Variants in KCNIP4 observed in about 807,000 individuals in gnomAD.
KCNIP4 encodes Kv channel-interacting protein 4.
Under a neutral mutation model 34.0 loss-of-function variants are expected in KCNIP4, and 12 were observed. The observed-to-expected ratio is 0.35, with a 90% CI of 0.23 to 0.57. KCNIP4 has a LOEUF of 0.57. Ranked by LOEUF, KCNIP4 falls within the 20% of genes least tolerant of loss-of-function variation. The pLI is 0.83. For synonymous variants in KCNIP4, 124 were observed against 102.2 expected, an observed-to-expected ratio of 1.21 and a Z score of -1.29; for missense variants, 238 against 311.7, an observed-to-expected ratio of 0.76 and a Z score of 1.78.
At chr4:21,785,726 C>T (rs1046487177) in intron 1 of KCNIP4, among the ~76,000 whole-genome samples, 1 of 152,202 alleles carries the variant, frequency 6.6e-6, no homozygotes, top group African/African-American at 2.4e-5. Context: ...TTGAATCATA[C>T]AAAATGTCAC....
intron 1 of KCNIP4, among the ~76,000 whole-genome samples, chr4:21,047,910 A>G (rs1436239590): frequency 6.6e-6 from 1 of 152,186 alleles, no homozygotes; most frequent in Non-Finnish European, 1.5e-5. Flanking sequence ...AGTTTCTGCC[A>G]ATATCATGTA....
chr4:21,527,440 G>A (rs1217487349), intron 1 of KCNIP4, among the ~76,000 whole-genome samples: 2 of 152,114 alleles, frequency 1.3e-5, no homozygotes, highest in South Asian at 2.1e-4. Flanking sequence ...AATGGAAGGG[G>A]CATGGACTTG....
At chr4:20,814,652 C>T (rs1477884834) in intron 3 of KCNIP4, among the ~76,000 whole-genome samples, 1 of 152,136 alleles carries the variant, frequency 6.6e-6, no homozygotes, top group African/African-American at 2.4e-5. Flanking sequence ...ATGGCCATCA[C>T]AGGTGGGACC....
At chr4:21,233,787 C>G (rs1026030784) in intron 1 of KCNIP4, among the ~76,000 whole-genome samples, 1 of 144,986 alleles carries the variant, frequency 6.9e-6, no homozygotes, top group Non-Finnish European at 1.5e-5. Context: ...TACATTAAAA[C>G]ATTATTATAT....
chr4:21,066,495 C>T (rs1744396124), intron 1 of KCNIP4, among the ~76,000 whole-genome samples: 1 of 152,148 alleles, frequency 6.6e-6, no homozygotes, highest in South Asian at 2.1e-4. Flanking sequence ...CTTTAATCAC[C>T]TATACCATCC....
chr4:21,428,863 A>G (rs1408835183), intron 1 of KCNIP4, among the ~76,000 whole-genome samples: 1 of 152,210 alleles, frequency 6.6e-6, no homozygotes, highest in Non-Finnish European at 1.5e-5. Context: ...ACAAAATGGA[A>G]TGAAGAGTAG....
chr4:21,770,034 G>A (rs772050100), intron 1 of KCNIP4, among the ~76,000 whole-genome samples: 11 of 151,904 alleles, frequency 7.2e-5, no homozygotes, highest in Non-Finnish European at 1.3e-4. Flanking sequence ...ATACATGTGC[G>A]GAACATGCAG....
intron 1 of KCNIP4, among the ~76,000 whole-genome samples, chr4:21,244,764 C>T (rs1048944990): frequency 2.0e-5 from 3 of 152,098 alleles, no homozygotes; most frequent in African/African-American, 7.2e-5. Context: ...TATTAAAATG[C>T]ACATTTAAAT....
chr4:21,556,920 CAGAAAAAAA>C (rs1739081018), intron 1 of KCNIP4, among the ~76,000 whole-genome samples: 1 of 35,664 alleles, frequency 2.8e-5, no homozygotes, highest in African/African-American at 1.0e-4. Flanking sequence ...GACTCCATCT[CAGAAAAAAA>C]AAAAAAAAAA....
intron 1 of KCNIP4, among the ~76,000 whole-genome samples, chr4:21,156,030 A>T (rs1753125287): frequency 6.6e-6 from 1 of 152,210 alleles, no homozygotes; most frequent in Non-Finnish European, 1.5e-5. Context: ...AGGTAAGCAC[A>T]GAACCCCAGT....
At chr4:21,103,025 A>C (rs1748083703) in intron 1 of KCNIP4, among the ~76,000 whole-genome samples, 1 of 152,074 alleles carries the variant, frequency 6.6e-6, no homozygotes. Flanking sequence ...ATATAAACTC[A>C]CTTGCTCTTG....
chr4:21,434,256 T>C (rs1726754749), intron 1 of KCNIP4, among the ~76,000 whole-genome samples: 1 of 152,232 alleles, frequency 6.6e-6, no homozygotes, highest in African/African-American at 2.4e-5. Flanking sequence ...CTAAGGATAC[T>C]GATAAAATTC....
chr4:21,930,500 G>C (rs1183325121), intron 1 of KCNIP4, among the ~76,000 whole-genome samples: 5 of 151,998 alleles, frequency 3.3e-5, no homozygotes, highest in Non-Finnish European at 7.4e-5. Flanking sequence ...TAAAAGCAAG[G>C]CTCTGAAATA....
At chr4:21,697,264 T>G (rs556075760) in intron 1 of KCNIP4, 1 of 1,328,550 alleles carries the variant, frequency 7.5e-7, no homozygotes, top group Non-Finnish European at 9.5e-7. Flanking sequence ...AACAAAGAAA[T>G]AGCCTTTCCT....
At chr4:20,882,839 T>G in intron 1 of KCNIP4, 130 bp from the exon 2 acceptor site, 1 of 601,018 alleles carries the variant, frequency 1.7e-6, no homozygotes. Flanking sequence ...TCACAGGCAG[T>G]GGGTTGGGAC....
rs145074588 is a variant in KCNIP4, at chr4:21,629,768, C to T, written c.61+318803G>A. On this transcript the variant is annotated intron_variant, in intron 1 of 8. Transcript: ENST00000382152. ...TACCTGTTTAGTTCGGCACAGTGTA[C>T]GCTCTATTCTTGGGCGATTTCTACA... Among the ~76,000 whole-genome samples the T allele has an allele frequency of 2.0e-3, 308 of 151,804 alleles. 2 individuals carry two copies. The highest frequency in any genetic ancestry group is 6.7e-3 in the African/African-American group (276 of 41,408).
chr4:21,750,571 T>C (rs1245629083), intron 1 of KCNIP4, among the ~76,000 whole-genome samples: 1 of 152,140 alleles, frequency 6.6e-6, no homozygotes, highest in East Asian at 1.9e-4. Context: ...AAGTGGCTAA[T>C]TATAAACATA....
intron 1 of KCNIP4, among the ~76,000 whole-genome samples, chr4:21,871,586 G>A (rs1725815627): frequency 6.6e-6 from 1 of 151,806 alleles, no homozygotes; most frequent in Admixed American, 6.6e-5. Context: ...GGTGGGAATT[G>A]AACAAAGAGC....
intron 1 of KCNIP4, among the ~76,000 whole-genome samples, chr4:20,988,274 A>G (rs532276598): frequency 6.6e-6 from 1 of 152,190 alleles, no homozygotes; most frequent in African/African-American, 2.4e-5. Context: ...TGGTTGAGAG[A>G]CTCTGAAAGG....
Sources: allele counts gnomAD v4.1 joint callset (sites outside exome capture counted in the v4.1 genomes callset), GRCh38; gene constraint gnomAD v4.1.1; transcripts MANE v1.5; gene names NCBI Gene and HGNC (gene_info 2026-07-23, HGNC 2026-07-21).